Variants in GRM8 observed in about 807,000 individuals in gnomAD.
The protein encoded by GRM8 is metabotropic glutamate receptor 8.
Under a neutral mutation model 87.2 loss-of-function variants are expected in GRM8, and 47 were observed. That is an observed-to-expected ratio of 0.54 (90% CI 0.43 to 0.69). GRM8 has a LOEUF of 0.69. Ranked by LOEUF, GRM8 falls within the 30% of genes least tolerant of loss-of-function variation. The probability of loss-of-function intolerance (pLI) is 0.00; values close to 1 mark genes in which losing one functional copy is unlikely to be tolerated. For missense variants in GRM8, 1,019 were observed against 1,139.2 expected (o/e 0.89, Z 1.52); for synonymous variants, 396 against 404.5 (o/e 0.98, Z 0.25).
chr7:126,897,150 T>C (rs780554277), intron 6 of GRM8, among the ~76,000 whole-genome samples: 3 of 152,188 alleles, frequency 2.0e-5, no homozygotes, highest in Non-Finnish European at 4.4e-5. Context: ...TAATTCGTGA[T>C]GGAGACAGGA....
intron 8 of GRM8, among the ~76,000 whole-genome samples, chr7:126,584,907 T>C (rs1376231628): frequency 6.6e-6 from 1 of 152,060 alleles, no homozygotes; most frequent in Non-Finnish European, 1.5e-5. Context: ...GTAAGCAAAA[T>C]AAGTGGTTAT....
At chr7:127,007,831 T>G (rs1339192958) in intron 3 of GRM8, among the ~76,000 whole-genome samples, 1 of 151,978 alleles carries the variant, frequency 6.6e-6, no homozygotes, top group Non-Finnish European at 1.5e-5. Flanking sequence ...TAGAAGTCAT[T>G]GTAACAGAGC....
intron 3 of GRM8, among the ~76,000 whole-genome samples, chr7:127,028,195 G>A (rs964862827): frequency 1.3e-5 from 2 of 152,186 alleles, no homozygotes; most frequent in African/African-American, 2.4e-5. Context: ...ACTTGATCAT[G>A]GCAGATAAGC....
At chr7:126,994,192 T>C (rs1812952271) in intron 3 of GRM8, among the ~76,000 whole-genome samples, 1 of 152,070 alleles carries the variant, frequency 6.6e-6, no homozygotes, top group South Asian at 2.1e-4. Context: ...GAGGCCTGCA[T>C]CCTAGGCCCT....
At chr7:126,709,494 G>T (rs964206270) in intron 7 of GRM8, among the ~76,000 whole-genome samples, 6 of 151,912 alleles carry the variant, frequency 3.9e-5, no homozygotes, top group African/African-American at 7.3e-5. Context: ...GAAGAAGGAG[G>T]AGGGAGGAGG....
At chr7:127,106,448 A>G (rs1304649966) in intron 3 of GRM8, 48 bp downstream of exon 3, 1 of 1,449,760 alleles carries the variant, frequency 6.9e-7, no homozygotes, top group Non-Finnish European at 9.7e-7. Context: ...CTCAGGCATC[A>G]GCAATCTGTC....
intron 2 of GRM8, among the ~76,000 whole-genome samples, chr7:127,194,578 T>C (rs1367589729): frequency 2.6e-5 from 4 of 152,174 alleles, no homozygotes; most frequent in African/African-American, 9.7e-5. Flanking sequence ...CCAAATACTT[T>C]TTAAAATTAA....
At chr7:126,516,306 C>G (rs1329035492) in intron 9 of GRM8, among the ~76,000 whole-genome samples, 1 of 151,818 alleles carries the variant, frequency 6.6e-6, no homozygotes, top group Non-Finnish European at 1.5e-5. Flanking sequence ...ATCTGCATTT[C>G]TATTTAATAA....
chr7:127,225,041 A>T (rs1587324212), intron 2 of GRM8, among the ~76,000 whole-genome samples: 2 of 152,236 alleles, frequency 1.3e-5, no homozygotes, highest in South Asian at 4.1e-4. Context: ...AATATAGATA[A>T]ATCAAAATTG....
At chr7:126,537,396 A>G (rs1215122227) in intron 8 of GRM8, among the ~76,000 whole-genome samples, 1 of 152,216 alleles carries the variant, frequency 6.6e-6, no homozygotes, top group Admixed American at 6.5e-5. Context: ...AGGACAAATA[A>G]CAAATGCTTG....
intron 3 of GRM8, among the ~76,000 whole-genome samples, chr7:126,919,020 G>T (rs541839360): frequency 6.6e-6 from 1 of 151,876 alleles, no homozygotes; most frequent in Admixed American, 6.6e-5. Flanking sequence ...TTGCAAATGC[G>T]TTATAGCTTA....
At position 127,054,946 on chromosome 7, in the gene GRM8, T is replaced by C. The variant is rs991647795; in HGVS notation, c.727+51550A>G. Among the ~76,000 whole-genome samples the C allele has an allele frequency of 3.9e-5, 6 of 151,996 alleles. No homozygotes were observed. In the South Asian group the frequency reaches 1.2e-3, roughly 31 times the overall value. ...GCTACCTAGACAGAAACATAGAAACTTTGGTTGGCAATAAATTCAATATGA... is the reference window on the plus strand; with the variant it reads ...GCTACCTAGACAGAAACATAGAAACCTTGGTTGGCAATAAATTCAATATGA... On this transcript the variant is annotated intron_variant, in intron 3 of 10. Transcript: ENST00000339582.
intron 7 of GRM8, among the ~76,000 whole-genome samples, chr7:126,719,610 C>A (rs184170708): frequency 6.6e-6 from 1 of 152,132 alleles, no homozygotes; most frequent in Non-Finnish European, 1.5e-5. Context: ...GGAACCACCA[C>A]GACACCTTAC....
intron 2 of GRM8, among the ~76,000 whole-genome samples, chr7:127,233,320 A>T (rs1411538751): frequency 1.3e-5 from 2 of 152,172 alleles, no homozygotes; most frequent in Non-Finnish European, 2.9e-5. Flanking sequence ...AAATACGTTA[A>T]AATAATCTAT....
chr7:126,602,425 C>T (rs112432385), intron 8 of GRM8, among the ~76,000 whole-genome samples: 45,534 of 77,074 alleles, frequency 0.59, 14,726 homozygotes, highest in East Asian at 0.89. Context: ...GGCTCTTTTT[C>T]GGTTCCATAT....
At chr7:126,670,814 A>G (rs1806296489) in intron 7 of GRM8, among the ~76,000 whole-genome samples, 1 of 152,180 alleles carries the variant, frequency 6.6e-6, no homozygotes, top group Non-Finnish European at 1.5e-5. Flanking sequence ...AGTTTTTTTT[A>G]TAGTCAAGGA....
chr7:126,564,097 C>T (rs944533502), intron 8 of GRM8, among the ~76,000 whole-genome samples: 23 of 152,184 alleles, frequency 1.5e-4, no homozygotes, highest in African/African-American at 5.5e-4. Context: ...GTGGTCCCAC[C>T]TCCATGTGAA....
At chr7:127,076,012 G>A (rs1057248235) in intron 3 of GRM8, 6 of 376,204 alleles carry the variant, frequency 1.6e-5, no homozygotes, top group Non-Finnish European at 3.2e-5. Context: ...GCCAATATTA[G>A]GCTTTACAAT....
intron 8 of GRM8, among the ~76,000 whole-genome samples, chr7:126,585,748 G>A (rs1796050543): frequency 2.0e-5 from 3 of 152,108 alleles, no homozygotes; most frequent in South Asian, 2.1e-4. Context: ...AAAACTGGAA[G>A]CATTCCCTTT....
Sources: gnomAD v4.1 joint callset for allele counts (sites outside exome capture counted in the v4.1 genomes callset) on GRCh38, gnomAD v4.1.1 for gene constraint, MANE v1.5 for transcripts, NCBI Gene and HGNC (gene_info 2026-07-23, HGNC 2026-07-21) for gene names.